The following SHANK2 variants were observed in gnomAD, a reference collection of about 807,000 sequenced individuals.
The protein encoded by SHANK2 is SH3 and multiple ankyrin repeat domains 2.
Under a neutral mutation model 133.7 loss-of-function variants are expected in SHANK2, and 43 were observed. That is an observed-to-expected ratio of 0.32 (90% CI 0.25 to 0.41). The LOEUF is 0.41. Among genes scored for constraint, SHANK2 ranks in the 10% least tolerant of loss-of-function variants. The pLI, the probability that SHANK2 is intolerant of heterozygous loss-of-function variation, is 1.00. For synonymous variants in SHANK2, 1,017 were observed against 952.8 expected (o/e 1.07, Z -1.24); for missense variants, 1,994 against 2,235.8 (o/e 0.89, Z 2.18).
chr11:70,727,607 G>A (rs1946203001), intron 14 of SHANK2, among the ~76,000 whole-genome samples: 2 of 152,170 alleles, frequency 1.3e-5, no homozygotes, highest in Non-Finnish European at 2.9e-5. Context: ...CTTGCTAGGT[G>A]GTTTCTTTGT....
intron 2 of SHANK2, among the ~76,000 whole-genome samples, chr11:71,156,338 C>A (rs1952906173): frequency 6.6e-6 from 1 of 152,012 alleles, no homozygotes; most frequent in African/African-American, 2.4e-5. Flanking sequence ...CCCTAATCAC[C>A]ATCAAACAAA....
intron 17 of SHANK2, chr11:70,634,676 C>G (rs1555003329): frequency 6.6e-6 from 1 of 152,274 alleles, no homozygotes; most frequent in Non-Finnish European, 1.5e-5. Context: ...GACTGGCCAA[C>G]ATGGCAAAAC....
intron 2 of SHANK2, among the ~76,000 whole-genome samples, chr11:71,203,476 C>T (rs574107182): frequency 6.6e-6 from 1 of 152,146 alleles, no homozygotes; most frequent in South Asian, 2.1e-4. Flanking sequence ...TGTCCAAACC[C>T]CACACACTCC....
At chr11:71,137,356 C>T (rs1952463651) in intron 3 of SHANK2, among the ~76,000 whole-genome samples, 1 of 147,146 alleles carries the variant, frequency 6.8e-6, no homozygotes, top group African/African-American at 2.5e-5. Context: ...AACAGTGGGG[C>T]CAGACCTGGA....
intron 14 of SHANK2, among the ~76,000 whole-genome samples, chr11:70,758,599 A>T (rs1425166965): frequency 1.3e-5 from 2 of 152,196 alleles, no homozygotes; most frequent in Admixed American, 1.3e-4. Context: ...ACCCCAGGTC[A>T]AGGAACAAGA....
At chr11:70,567,685 G>A (rs2059985519) in intron 17 of SHANK2, among the ~76,000 whole-genome samples, 1 of 151,816 alleles carries the variant, frequency 6.6e-6, no homozygotes, top group African/African-American at 2.4e-5. Context: ...ATAGACAGAC[G>A]ACTACGGGAG....
At chr11:70,502,012 C>T (rs2059061063) in intron 19 of SHANK2, 81 bp from the exon 20 acceptor site, 2 of 1,472,410 alleles carry the variant, frequency 1.4e-6, no homozygotes, top group Non-Finnish European at 1.9e-6. Context: ...CAACAACGCC[C>T]CGCGAGGCTC....
At chr11:71,056,086 G>A (rs1950915564) in intron 10 of SHANK2, among the ~76,000 whole-genome samples, 1 of 152,166 alleles carries the variant, frequency 6.6e-6, no homozygotes, top group Non-Finnish European at 1.5e-5. Context: ...CGGACCCCAT[G>A]GGGGTGCCAA....
chr11:70,913,234 G>T (rs1367204002), intron 10 of SHANK2, among the ~76,000 whole-genome samples: 2 of 152,118 alleles, frequency 1.3e-5, no homozygotes, highest in African/African-American at 2.4e-5. Context: ...TATATAAAGA[G>T]ATTTGTTTTC....
At chr11:71,066,729 T>C (rs1951067958) in intron 9 of SHANK2, among the ~76,000 whole-genome samples, 1 of 152,176 alleles carries the variant, frequency 6.6e-6, no homozygotes, top group African/African-American at 2.4e-5. Flanking sequence ...CAGCCATAAA[T>C]GTAAAAACAA....
intron 6 of SHANK2, among the ~76,000 whole-genome samples, chr11:71,109,613 G>A (rs781999901): frequency 1.3e-5 from 2 of 152,206 alleles, no homozygotes; most frequent in Non-Finnish European, 2.9e-5. Flanking sequence ...ACAAACATAC[G>A]TGTCTGTAAA....
intron 17 of SHANK2, among the ~76,000 whole-genome samples, chr11:70,598,214 C>T (rs2060427350): frequency 2.0e-5 from 3 of 151,996 alleles, no homozygotes; most frequent in Admixed American, 6.6e-5. Flanking sequence ...TGACTGAGGT[C>T]ATTTGTCGAA....
chr11:70,737,016 C>T (rs936489206), intron 14 of SHANK2, among the ~76,000 whole-genome samples: 1 of 152,108 alleles, frequency 6.6e-6, no homozygotes, highest in South Asian at 2.1e-4. Context: ...TTCCCAGGGG[C>T]CTGGGGAACC....
At position 71,075,295 on chromosome 11, in the gene SHANK2, C is replaced by T. The variant is rs1032906330; in HGVS notation, c.913-20G>A. The T allele has an allele frequency of 0.038, 6,920 of 184,358 alleles. 510 individuals are homozygous for T. Among genetic ancestry groups the T allele is most frequent in the African/African-American group, 0.15 (6,532 of 42,292 alleles). The allele number at this position is 184,358 out of a possible 1,614,324, so 11.4% of individuals were successfully genotyped here. ...GCAGGCCTGAAACACAGAACCCAGG[C>T]TGTGAATCAGGAACCCTCCGCCACG... On this transcript the variant is annotated intron_variant, in intron 8 of 25. Coordinates refer to ENST00000601538, the MANE Select transcript of SHANK2 (RefSeq NM_012309.5).
intron 3 of SHANK2, among the ~76,000 whole-genome samples, chr11:71,138,802 AAAAAAGAAAAG>A (rs1388077496): frequency 7.1e-5 from 10 of 141,792 alleles, no homozygotes; most frequent in Admixed American, 1.3e-4. Context: ...AAAAAAAAAA[AAAAAAGAAAAG>A]AAAAAGAAAA....
chr11:71,232,928 CAA>C (rs1954768158), intron 1 of SHANK2, among the ~76,000 whole-genome samples: 1 of 152,104 alleles, frequency 6.6e-6, no homozygotes, highest in Admixed American at 6.5e-5. Flanking sequence ...CTGTGGAAAA[CAA>C]AAGAACAAAA....
In SHANK2 at chr11:70,765,952, G is replaced by A. The variant is rs531096458; in HGVS notation, c.1777+32491C>T. On this transcript the variant is annotated intron_variant, in intron 14 of 25. Coordinates refer to ENST00000601538, the MANE Select transcript of SHANK2 (RefSeq NM_012309.5). ...AAACGGGAAGAAAGCCATTACCTAGGAGGTACTGTGACAGAGGTGGCCAGC... is the reference window on the plus strand; with the variant it reads ...AAACGGGAAGAAAGCCATTACCTAGAAGGTACTGTGACAGAGGTGGCCAGC... Among the ~76,000 whole-genome samples, 7 of 152,298 alleles carry A rather than the reference G, an allele frequency of 4.6e-5. No individual in the cohort carries two copies. The South Asian group carries it at 1.4e-3, about 32-fold the overall frequency.
chr11:70,942,014 C>T (rs1008648118), intron 10 of SHANK2, among the ~76,000 whole-genome samples: 29 of 151,798 alleles, frequency 1.9e-4, no homozygotes, highest in African/African-American at 6.8e-4. Flanking sequence ...ATAGTGAAAC[C>T]CCATCTCTAC....
In SHANK2 at chr11:71,057,914, G is replaced by GTTTTTTT. The variant is rs879235729; in HGVS notation, c.1030-1363_1030-1357dup. ...AATGTTGTTAAAAGCAAGCAAAACGGTTTTTTTTTTTTTTTTTGAGACAGG... is the reference window on the plus strand; with the variant it reads ...AATGTTGTTAAAAGCAAGCAAAACGGTTTTTTTTTTTTTTTTTTTTTTTTGAGACAGG... On this transcript the variant is annotated intron_variant, in intron 9 of 25. Coordinates refer to ENST00000601538, the MANE Select transcript of SHANK2 (RefSeq NM_012309.5). Among the ~76,000 whole-genome samples the GTTTTTTT allele has an allele frequency of 1.3e-4, 16 of 121,098 alleles. 2 individuals carry two copies. Among genetic ancestry groups the GTTTTTTT allele is most frequent in the African/African-American group, 5.4e-4 (15 of 27,734 alleles). 79.4% of individuals were successfully genotyped at this position (121,098 alleles called of 152,430 possible).
Sources: gnomAD v4.1 joint callset for allele counts (sites outside exome capture counted in the v4.1 genomes callset) on GRCh38, gnomAD v4.1.1 for gene constraint, MANE v1.5 for transcripts, NCBI Gene and HGNC (gene_info 2026-07-23, HGNC 2026-07-21) for gene names.